CNTN6: variants seen among roughly 807,000 people sequenced by gnomAD.
CNTN6 encodes contactin 6.
CNTN6 carries 137 observed loss-of-function variants against 122.8 expected under a neutral mutation model. The ratio of observed to expected loss-of-function variants is 1.12; its 90% confidence interval spans 0.97 to 1.29. The LOEUF is 1.29. CNTN6 is among the 50% of genes most tolerant of loss of function. The pLI, the probability that CNTN6 is intolerant of heterozygous loss-of-function variation, is 0.00. For synonymous variants in CNTN6, 570 were observed against 426.0 expected (o/e 1.34, Z -4.16); for missense variants, 1,634 against 1,223.4 (o/e 1.34, Z -5.01).
chr3:1,348,674 G>A (rs947845483), intron 11 of CNTN6, among the ~76,000 whole-genome samples: 1 of 151,948 alleles, frequency 6.6e-6, no homozygotes, highest in Non-Finnish European at 1.5e-5. Flanking sequence ...TTTTGGAAGT[G>A]AACTAAAACG....
At chr3:1,387,805 G>A (rs555544531) in intron 20 of CNTN6, among the ~76,000 whole-genome samples, 25 of 152,280 alleles carry the variant, frequency 1.6e-4, no homozygotes, top group Admixed American at 1.1e-3. Context: ...GGTGACGGAC[G>A]CACCTGGAAA....
intron 1 of CNTN6, among the ~76,000 whole-genome samples, chr3:1,104,264 A>G (rs1262028593): frequency 6.6e-6 from 1 of 152,136 alleles, no homozygotes; most frequent in Non-Finnish European, 1.5e-5. Flanking sequence ...TTATTTTAGT[A>G]AAGTAAACTT....
chr3:1,392,645 G>A lies in CNTN6; in HGVS notation c.2704+6848G>A, dbSNP rs1449927359. Among the ~76,000 whole-genome samples, 81 of 145,444 alleles carry A rather than the reference G, an allele frequency of 5.6e-4. 1 individual carries two copies. The highest frequency in any genetic ancestry group is 4.7e-3 in the South Asian group (21 of 4,430). ...ACCTACAAAATGGGAGAAAATTTTC[G>A]CAACCTACTCATCTGACAAAGGGCT... On this transcript the variant is annotated intron_variant, in intron 20 of 22. Coordinates refer to ENST00000446702, the MANE Select transcript of CNTN6 (RefSeq NM_001289080.2).
chr3:1,099,605 A>G (rs1410188145), intron 1 of CNTN6, among the ~76,000 whole-genome samples: 1 of 152,198 alleles, frequency 6.6e-6, no homozygotes, highest in Non-Finnish European at 1.5e-5. Context: ...ACATACATTG[A>G]AAACTTATAC....
chr3:1,390,311 C>T (rs1435356133), intron 20 of CNTN6, among the ~76,000 whole-genome samples: 1 of 151,982 alleles, frequency 6.6e-6, no homozygotes, highest in Non-Finnish European at 1.5e-5. Flanking sequence ...TGAATGACTA[C>T]TGGATACATA....
chr3:1,142,501 A>G (rs547186727), intron 1 of CNTN6, among the ~76,000 whole-genome samples: 2 of 152,178 alleles, frequency 1.3e-5, no homozygotes, highest in Non-Finnish European at 2.9e-5. Flanking sequence ...AGAAAAATAC[A>G]GTTGGATAAT....
intron 7 of CNTN6, among the ~76,000 whole-genome samples, chr3:1,302,122 A>G (rs1697537474): frequency 6.6e-6 from 1 of 152,202 alleles, no homozygotes; most frequent in South Asian, 2.1e-4. Context: ...CTTATCTTCA[A>G]AATTATAAAT....
Position 1,295,816 on chromosome 3 carries a change from A to T in CNTN6, c.658+12A>T, listed in dbSNP as rs750464540. 2 of 1,598,440 alleles carry T rather than the reference A, an allele frequency of 1.3e-6. No individual in the cohort carries two copies. Among genetic ancestry groups the T allele is most frequent in the African/African-American group, 2.7e-5 (2 of 74,628 alleles). ...GCAGCGCACTGATGGTAAGATAATG[A>T]GTTATCTTGGGAATGTACTTTATCT... On this transcript the variant is annotated intron_variant, in intron 6 of 22. Transcript: ENST00000446702.
chr3:1,283,566 C>T (rs1447557627), intron 5 of CNTN6, among the ~76,000 whole-genome samples: 1 of 152,178 alleles, frequency 6.6e-6, no homozygotes, highest in African/African-American at 2.4e-5. Flanking sequence ...TTAGTCCAGC[C>T]TCATAGGAAA....
At chr3:1,305,590 T>A (rs181512814) in intron 7 of CNTN6, among the ~76,000 whole-genome samples, 18 of 152,308 alleles carry the variant, frequency 1.2e-4, no homozygotes, top group Non-Finnish European at 1.2e-4. Context: ...TATGGGCTCT[T>A]GCTGAGTGAA....
At chr3:1,227,675 G>T in intron 3 of CNTN6, 143 bp from the exon 4 acceptor site, 1 of 825,140 alleles carries the variant, frequency 1.2e-6, no homozygotes, top group Non-Finnish European at 1.9e-6. Flanking sequence ...GCTACCTTTG[G>T]TAAAACTGGT....
intron 2 of CNTN6, among the ~76,000 whole-genome samples, chr3:1,213,812 G>T (rs558710391): frequency 1.1e-3 from 134 of 125,622 alleles, no homozygotes; most frequent in African/African-American, 3.4e-3. Context: ...TCTAATAAAT[G>T]ATTTGAGACA....
intron 1 of CNTN6, among the ~76,000 whole-genome samples, chr3:1,102,933 C>G (rs915920998): frequency 2.3e-4 from 35 of 150,782 alleles, no homozygotes; most frequent in Admixed American, 1.1e-3. Flanking sequence ...CGGTGAAACC[C>G]CGTCTCTACC....
chr3:1,394,314 C>T (rs1052485633), intron 20 of CNTN6: 3 of 181,450 alleles, frequency 1.7e-5, no homozygotes, highest in East Asian at 3.4e-4. Flanking sequence ...AAACAGGGCT[C>T]CACTGGAGCT....
chr3:1,270,322 A>T (rs1191052126), intron 4 of CNTN6, among the ~76,000 whole-genome samples: 1 of 152,234 alleles, frequency 6.6e-6, no homozygotes, highest in Non-Finnish European at 1.5e-5. Flanking sequence ...TCCTCTTCAA[A>T]GAAGAGAAGC....
At chr3:1,346,310 T>C (rs78492544) in intron 11 of CNTN6, among the ~76,000 whole-genome samples, 1 of 152,158 alleles carries the variant, frequency 6.6e-6, no homozygotes, top group South Asian at 2.1e-4. Context: ...AAAACTCATA[T>C]TGAAATTTTA....
chr3:1,366,656 T>C (rs1185213122), intron 12 of CNTN6, among the ~76,000 whole-genome samples: 1 of 152,172 alleles, frequency 6.6e-6, no homozygotes, highest in Admixed American at 6.6e-5. Flanking sequence ...CTCTGTGGGG[T>C]ACTCATGTTA....
intron 9 of CNTN6, among the ~76,000 whole-genome samples, chr3:1,326,213 A>T (rs1206782554): frequency 6.6e-6 from 1 of 151,876 alleles, no homozygotes; most frequent in Non-Finnish European, 1.5e-5. Context: ...TTTAAATATC[A>T]TCATCATCAT....
intron 5 of CNTN6, 91 bp downstream of exon 5, chr3:1,278,599 TATCAA>T: frequency 2.6e-6 from 2 of 760,166 alleles, no homozygotes; most frequent in Non-Finnish European, 4.3e-6. Flanking sequence ...GATCACCTTT[TATCAA>T]ATCAAAGAAA....
Sources: allele counts gnomAD v4.1 joint callset (sites outside exome capture counted in the v4.1 genomes callset), GRCh38; gene constraint gnomAD v4.1.1; transcripts MANE v1.5; gene names NCBI Gene and HGNC (gene_info 2026-07-23, HGNC 2026-07-21).